DENND1A: variants seen among roughly 807,000 people sequenced by gnomAD.
DENND1A encodes DENN domain-containing protein 1A.
In DENND1A, 51 loss-of-function variants were observed where a neutral mutation model predicts 113.7. The observed-to-expected ratio is 0.45, with a 90% CI of 0.36 to 0.57. DENND1A has a LOEUF of 0.57. Ranked by LOEUF, DENND1A falls within the 20% of genes least tolerant of loss-of-function variation. DENND1A has a pLI of 0.00. For missense variants in DENND1A, 1,258 were observed against 1,395.9 expected, an observed-to-expected ratio of 0.90 and a Z score of 1.57; for synonymous variants, 565 against 570.8, an observed-to-expected ratio of 0.99 and a Z score of 0.14.
intron 13 of DENND1A, among the ~76,000 whole-genome samples, chr9:123,466,382 C>T (rs559924755): frequency 6.6e-6 from 1 of 151,744 alleles, no homozygotes; most frequent in African/African-American, 2.4e-5. Flanking sequence ...TCACTGCAAC[C>T]TCTGCCTCCT....
Position 123,603,572 on chromosome 9 carries a change from T to C in DENND1A, c.765+5864A>G, listed in dbSNP as rs114088737. On this transcript the variant is annotated intron_variant, in intron 11 of 23. Transcript: ENST00000394215. ...GCAGCAGAATGCCAGGAGCTCCCCA[T>C]GCACCCATCACACGCCTCTTGAAAC... 2.3e-3 allele frequency among the ~76,000 whole-genome samples: 350 copies of C among 152,294 alleles called. 1 individual carries two copies. The highest frequency in any genetic ancestry group is 8.2e-3 in the African/African-American group (340 of 41,556).
intron 2 of DENND1A, among the ~76,000 whole-genome samples, chr9:123,803,242 T>C (rs942783936): frequency 6.6e-6 from 1 of 152,212 alleles, no homozygotes; most frequent in African/African-American, 2.4e-5. Context: ...CCTTATAGTT[T>C]AAGGTATGTG....
At chr9:123,522,625 C>T (rs2135067970) in intron 13 of DENND1A, among the ~76,000 whole-genome samples, 1 of 152,202 alleles carries the variant, frequency 6.6e-6, no homozygotes, top group East Asian at 1.9e-4. Context: ...ATACTTCACA[C>T]CAAAGTGGGT....
chr9:123,452,153 C>G (rs1340952824), intron 17 of DENND1A, 123 bp downstream of exon 17: 5 of 855,456 alleles, frequency 5.8e-6, no homozygotes, highest in African/African-American at 1.7e-5. Flanking sequence ...GTGATTGCAC[C>G]ACTGCACTCC....
intron 2 of DENND1A, among the ~76,000 whole-genome samples, chr9:123,840,596 A>G (rs1009281600): frequency 1.3e-5 from 2 of 152,218 alleles, no homozygotes. Context: ...CACTTATATT[A>G]TCTCCCTCTT....
At chr9:123,848,026 C>T (rs1842846957) in intron 2 of DENND1A, among the ~76,000 whole-genome samples, 1 of 151,980 alleles carries the variant, frequency 6.6e-6, no homozygotes, top group African/African-American at 2.4e-5. Flanking sequence ...TAATATCTTA[C>T]ATGTTTAAAG....
At chr9:123,658,711 AT>A (rs2063087763) in intron 8 of DENND1A, among the ~76,000 whole-genome samples, 1 of 152,174 alleles carries the variant, frequency 6.6e-6, no homozygotes, top group Admixed American at 6.5e-5. Context: ...TCATTCATTC[AT>A]TCAGTCATTC....
At chr9:123,515,885 G>A (rs926026919) in intron 13 of DENND1A, among the ~76,000 whole-genome samples, 1 of 151,964 alleles carries the variant, frequency 6.6e-6, no homozygotes, top group East Asian at 1.9e-4. Flanking sequence ...TGGGCAACAC[G>A]GGGAAACCCT....
chr9:123,790,884 T>C (rs1832899224), intron 3 of DENND1A, among the ~76,000 whole-genome samples: 1 of 152,190 alleles, frequency 6.6e-6, no homozygotes, highest in Non-Finnish European at 1.5e-5. Flanking sequence ...CACCAAATTG[T>C]TACAGTGGTT....
chr9:123,496,668 C>A (rs1191459002), intron 13 of DENND1A, among the ~76,000 whole-genome samples: 1 of 152,162 alleles, frequency 6.6e-6, no homozygotes, highest in East Asian at 1.9e-4. Flanking sequence ...TGCGGAACTG[C>A]GCAAATATCC....
chr9:123,794,577 C>G (rs1181653011), intron 2 of DENND1A, among the ~76,000 whole-genome samples: 2 of 152,086 alleles, frequency 1.3e-5, no homozygotes, highest in Non-Finnish European at 2.9e-5. Context: ...TTGGGAACTA[C>G]AAAATACCCA....
intron 12 of DENND1A, among the ~76,000 whole-genome samples, chr9:123,574,385 G>C (rs1015514853): frequency 5.3e-5 from 8 of 151,914 alleles, no homozygotes; most frequent in Non-Finnish European, 1.0e-4. Context: ...AAGTTTTACA[G>C]ATTTAAAATT....
At chr9:123,912,734 C>T (rs1015110461) in intron 1 of DENND1A, among the ~76,000 whole-genome samples, 4 of 152,140 alleles carry the variant, frequency 2.6e-5, no homozygotes, top group Admixed American at 6.5e-5. Flanking sequence ...TGGACTTCCA[C>T]CGCCTCTGGC....
chr9:123,774,495 TTCACTATAAGTGTCAAATTA>T (rs1441650690), intron 3 of DENND1A, among the ~76,000 whole-genome samples: 1 of 152,180 alleles, frequency 6.6e-6, no homozygotes, highest in East Asian at 1.9e-4. Context: ...ATTTTTCTCC[TTCACTATAAGTGTCAAATTA>T]AATCTAAGAT....
At chr9:123,625,109 C>T (rs138109831) in intron 10 of DENND1A, among the ~76,000 whole-genome samples, 40 of 152,194 alleles carry the variant, frequency 2.6e-4, no homozygotes, top group African/African-American at 7.5e-4. Context: ...TATATACATC[C>T]GATTTTTTGT....
intron 13 of DENND1A, among the ~76,000 whole-genome samples, chr9:123,495,547 A>G (rs1205090813): frequency 6.6e-6 from 1 of 152,210 alleles, no homozygotes; most frequent in South Asian, 2.1e-4. Flanking sequence ...AGAGAGCAAA[A>G]TATCAGGTCT....
intron 18 of DENND1A, among the ~76,000 whole-genome samples, chr9:123,448,916 C>T (rs1314947859): frequency 6.6e-6 from 1 of 152,206 alleles, no homozygotes. Flanking sequence ...AACTGCAGAG[C>T]TAGACAAAGG....
intron 12 of DENND1A, among the ~76,000 whole-genome samples, chr9:123,561,839 G>C (rs112601734): frequency 4.6e-5 from 7 of 152,078 alleles, no homozygotes; most frequent in Non-Finnish European, 1.0e-4. Flanking sequence ...TGGGCCAGGC[G>C]TCAGATGTCA....
intron 13 of DENND1A, among the ~76,000 whole-genome samples, chr9:123,473,424 T>C (rs2049617082): frequency 6.6e-6 from 1 of 151,674 alleles, no homozygotes; most frequent in African/African-American, 2.4e-5. Flanking sequence ...GCTCCTGGAG[T>C]TGTCGTGGAG....
Sources: allele counts gnomAD v4.1 joint callset (sites outside exome capture counted in the v4.1 genomes callset), GRCh38; gene constraint gnomAD v4.1.1; transcripts MANE v1.5; gene names NCBI Gene and HGNC (gene_info 2026-07-23, HGNC 2026-07-21).